ZBTB20: variants seen among roughly 807,000 people sequenced by gnomAD.
The protein encoded by ZBTB20 is zinc finger and BTB domain-containing protein 20.
A neutral mutation model predicts 56.9 loss-of-function variants in ZBTB20; 9 were observed. The observed-to-expected ratio is 0.16, with a 90% CI of 0.10 to 0.28. The LOEUF (loss-of-function observed/expected upper bound fraction) is 0.28, where lower values mean the gene tolerates loss of function less well. Ranked by LOEUF, ZBTB20 falls within the 10% of genes least tolerant of loss-of-function variation. The probability of loss-of-function intolerance (pLI) is 1.00; values close to 1 mark genes in which losing one functional copy is unlikely to be tolerated. For synonymous variants in ZBTB20, 417 were observed against 420.7 expected (o/e 0.99, Z 0.11); for missense variants, 655 against 1,003.0 (o/e 0.65, Z 4.69).
chr3:115,031,296 C>G (rs972809945), intron 2 of ZBTB20, among the ~76,000 whole-genome samples: 1 of 151,336 alleles, frequency 6.6e-6, no homozygotes, highest in African/African-American at 2.4e-5. Flanking sequence ...GCTCATCCCT[C>G]TAACAAAGGA....
At chr3:114,397,458 C>T (rs1021190873) in intron 7 of ZBTB20, among the ~76,000 whole-genome samples, 11 of 152,076 alleles carry the variant, frequency 7.2e-5, no homozygotes, top group African/African-American at 2.4e-4. Flanking sequence ...CCCTTCGTAT[C>T]TTGAAGGTTA....
At chr3:115,083,919 C>G (rs918843610) in intron 1 of ZBTB20, among the ~76,000 whole-genome samples, 2 of 151,718 alleles carry the variant, frequency 1.3e-5, no homozygotes, top group African/African-American at 4.8e-5. Flanking sequence ...AAATGGTAAC[C>G]AAGAATATAC....
Position 115,018,132 on chromosome 3 carries a change from C to T in ZBTB20, c.-506-43716G>A, listed in dbSNP as rs79193755. 3.8e-3 allele frequency among the ~76,000 whole-genome samples: 575 copies of T among 151,378 alleles called. 4 individuals are homozygous for T. The highest frequency in any genetic ancestry group is 0.013 in the African/African-American group (535 of 41,390). The stretch of plus-strand genomic sequence containing the variant: ...TAATTTTGTACCAAGTTTATATGTG[C>T]TAATATTTTCCATTAGTAAAGAAGA... On this transcript the variant is annotated intron_variant, in intron 2 of 11. Coordinates refer to ENST00000675478, the MANE Select transcript of ZBTB20 (RefSeq NM_001348800.3).
chr3:114,551,308 C>T (rs559136696), intron 6 of ZBTB20, among the ~76,000 whole-genome samples: 1 of 152,300 alleles, frequency 6.6e-6, no homozygotes, highest in Admixed American at 6.5e-5. Flanking sequence ...CTACTGTGTC[C>T]TGTCCTAAGA....
At chr3:114,835,261 G>C (rs1028766460) in intron 4 of ZBTB20, among the ~76,000 whole-genome samples, 1 of 152,070 alleles carries the variant, frequency 6.6e-6, no homozygotes, top group African/African-American at 2.4e-5. Flanking sequence ...GCATTGACTA[G>C]GGAATTTAAA....
intron 5 of ZBTB20, among the ~76,000 whole-genome samples, chr3:114,725,706 A>T (rs1000815936): frequency 1.3e-5 from 2 of 152,256 alleles, no homozygotes; most frequent in Non-Finnish European, 2.9e-5. Context: ...ACAAATGTGC[A>T]TTAACTCTCT....
intron 6 of ZBTB20, among the ~76,000 whole-genome samples, chr3:114,532,798 T>C (rs551541119): frequency 1.3e-5 from 2 of 152,216 alleles, no homozygotes; most frequent in East Asian, 3.9e-4. Flanking sequence ...AAGGAACCGG[T>C]AGCATTGTTT....
chr3:115,035,670 T>C (rs1332370766), intron 2 of ZBTB20, among the ~76,000 whole-genome samples: 1 of 151,974 alleles, frequency 6.6e-6, no homozygotes, highest in Non-Finnish European at 1.5e-5. Context: ...AGTTAAAAAA[T>C]AGAACTACCA....
intron 2 of ZBTB20, among the ~76,000 whole-genome samples, chr3:114,995,574 T>C (rs1012744986): frequency 2.0e-5 from 3 of 151,858 alleles, no homozygotes; most frequent in Non-Finnish European, 4.4e-5. Flanking sequence ...AAATGCTGCT[T>C]TTATTTAGTA....
chr3:114,544,410 TTTCTTTCTTTCTTTCTTTC>T (rs2049492748), intron 6 of ZBTB20, among the ~76,000 whole-genome samples: 5 of 2,528 alleles, frequency 2.0e-3, no homozygotes, highest in Admixed American at 0.018. Flanking sequence ...AGATTTCTTC[TTTCTTTCTTTCTTTCTTTC>T]TTTCTTTCTT....
intron 7 of ZBTB20, among the ~76,000 whole-genome samples, chr3:114,468,429 A>G (rs2109225216): frequency 6.6e-6 from 1 of 152,272 alleles, no homozygotes; most frequent in Middle Eastern, 3.4e-3. Context: ...TTGTATATGT[A>G]CATATTTTTC....
chr3:114,748,102 G>A (rs1207965235), intron 5 of ZBTB20, among the ~76,000 whole-genome samples: 1 of 152,108 alleles, frequency 6.6e-6, no homozygotes, highest in Non-Finnish European at 1.5e-5. Context: ...CTGTCAGAGT[G>A]AGAAAAGGAA....
intron 2 of ZBTB20, among the ~76,000 whole-genome samples, chr3:115,036,705 G>A (rs909169082): frequency 2.6e-5 from 4 of 152,070 alleles, no homozygotes; most frequent in African/African-American, 7.2e-5. Context: ...GCACCGCAGC[G>A]CCCGGCCACT....
chr3:115,134,563 T>G (rs1345377606), intron 1 of ZBTB20, among the ~76,000 whole-genome samples: 1 of 152,216 alleles, frequency 6.6e-6, no homozygotes, highest in East Asian at 1.9e-4. Flanking sequence ...CATTCACTAA[T>G]TCATATTTCG....
At chr3:114,799,634 A>T (rs1378330334) in intron 5 of ZBTB20, among the ~76,000 whole-genome samples, 1 of 151,936 alleles carries the variant, frequency 6.6e-6, no homozygotes, top group African/African-American at 2.4e-5. Flanking sequence ...AAAAATGAGT[A>T]AGAAAGAGAG....
chr3:115,114,385 C>A (rs1195026336), intron 1 of ZBTB20, among the ~76,000 whole-genome samples: 1 of 152,024 alleles, frequency 6.6e-6, no homozygotes, highest in Non-Finnish European at 1.5e-5. Flanking sequence ...GTATCAATGG[C>A]TGTGCTTACT....
At chr3:114,760,410 C>T (rs756526897) in intron 5 of ZBTB20, among the ~76,000 whole-genome samples, 51 of 152,062 alleles carry the variant, frequency 3.4e-4, no homozygotes, top group Non-Finnish European at 6.2e-4. Flanking sequence ...GTAGGATGGG[C>T]CTCCTAGAAG....
At position 114,350,851 on chromosome 3, in the gene ZBTB20, G is replaced by C. The variant is rs752264828; in HGVS notation, c.1227C>G (p.Pro409=). The C allele has an allele frequency of 3.7e-6, 6 of 1,611,126 alleles. No homozygotes were observed. The African/African-American group carries it at 6.7e-5, about 18-fold the overall frequency. ...ARDSQAEPTQ[P]EQAAEAPAEG... is the part of the protein sequence containing the mutation. ...CAGCGGGGGCTTCTGCAGCCTGCTC[G>C]GGTTGGGTGGGTTCAGCCTGGCTGT... Residue 409 remains proline (P), a synonymous_variant, in exon 11 of 12, where the codon CCC becomes CCG. Coordinates refer to ENST00000675478, the MANE Select transcript of ZBTB20 (RefSeq NM_001348800.3).
At position 114,811,714 on chromosome 3, in the gene ZBTB20, G is replaced by A. The variant is rs530113790; in HGVS notation, c.-416-10540C>T. ...GTCATAACCTTTAATCTAGGAACCC[G>A]TAATAGTAAAGATTACTGTTTCTGT... On this transcript the variant is annotated intron_variant, in intron 4 of 11. Coordinates refer to ENST00000675478, the MANE Select transcript of ZBTB20 (RefSeq NM_001348800.3). Among the ~76,000 whole-genome samples, 58 of 152,256 alleles carry A rather than the reference G, an allele frequency of 3.8e-4. No homozygotes were observed. The South Asian group carries it at 8.7e-3, about 23-fold the overall frequency.
Sources: allele counts gnomAD v4.1 joint callset (sites outside exome capture counted in the v4.1 genomes callset), GRCh38; gene constraint gnomAD v4.1.1; transcripts MANE v1.5; gene names NCBI Gene and HGNC (gene_info 2026-07-23, HGNC 2026-07-21).